The following ATAD2B variants were observed in gnomAD, a reference collection of about 807,000 sequenced individuals.
ATAD2B encodes the protein ATPase family AAA domain-containing protein 2B.
In ATAD2B, 40 loss-of-function variants were observed where a neutral mutation model predicts 167.6. The observed-to-expected ratio is 0.24, with a 90% confidence interval of 0.19 to 0.31. The LOEUF is 0.31. Ranked by LOEUF, ATAD2B falls within the 10% of genes least tolerant of loss-of-function variation. ATAD2B has a pLI of 1.00. For synonymous variants in ATAD2B, 579 were observed against 596.5 expected (o/e 0.97, Z 0.43); for missense variants, 1,242 against 1,757.2 (o/e 0.71, Z 5.24).
intron 22 of ATAD2B, among the ~76,000 whole-genome samples, chr2:23,780,267 TTG>T (rs67788174): frequency 0.086 from 12,374 of 143,902 alleles, 509 homozygotes; most frequent in South Asian, 0.097. Flanking sequence ...AAGTATATAC[TTG>T]TGTGTGTGTG....
intron 1 of ATAD2B, among the ~76,000 whole-genome samples, chr2:23,908,195 G>A (rs1320505861): frequency 6.6e-6 from 1 of 152,002 alleles, no homozygotes; most frequent in Non-Finnish European, 1.5e-5. Flanking sequence ...CCATCAGAGT[G>A]AACAGGCAAC....
At chr2:23,818,513 TA>T in intron 17 of ATAD2B, among the ~76,000 whole-genome samples, 1 of 152,128 alleles carries the variant, frequency 6.6e-6, no homozygotes, top group Non-Finnish European at 1.5e-5. Flanking sequence ...AAGAGTTTGC[TA>T]TTAAAGAACA....
intron 22 of ATAD2B, among the ~76,000 whole-genome samples, chr2:23,782,157 C>A (rs1680167141): frequency 6.6e-6 from 1 of 152,158 alleles, no homozygotes; most frequent in Non-Finnish European, 1.5e-5. Flanking sequence ...ATTAGCCTTG[C>A]TCCATTTTCT....
rs554509217 is a variant in ATAD2B at position 23,853,772 on chromosome 2, T to C, written c.1568+3643A>G. On this transcript the variant is annotated intron_variant, in intron 13 of 27. Coordinates refer to ENST00000238789, the MANE Select transcript of ATAD2B (RefSeq NM_017552.4). ...TGAAAAAGAACAAATTTGGAGGACT[T>C]ATACTAAAATGAACATTAATCAAGA... 4.6e-5 allele frequency among the ~76,000 whole-genome samples: 7 copies of C among 152,362 alleles called. No individual in the cohort carries two copies. The South Asian group carries it at 1.0e-3, about 23-fold the overall frequency.
the ATAD2B span, among the ~76,000 whole-genome samples, chr2:23,688,403 C>G: frequency 6.6e-6 from 1 of 152,188 alleles, no homozygotes; most frequent in East Asian, 1.9e-4. Context: ...TTCCAACTTG[C>G]AAAATGAAAA....
chr2:23,824,326 T>A (rs1687917888), intron 15 of ATAD2B, among the ~76,000 whole-genome samples: 1 of 152,196 alleles, frequency 6.6e-6, no homozygotes, highest in East Asian at 1.9e-4. Context: ...CAGTCCTTCA[T>A]CAATATTCCT....
the ATAD2B span, among the ~76,000 whole-genome samples, chr2:23,723,572 GA>G: frequency 6.6e-6 from 1 of 151,916 alleles, no homozygotes; most frequent in Non-Finnish European, 1.5e-5. Context: ...ACAAATATAT[GA>G]AAAAATGCTC....
intron 18 of ATAD2B, among the ~76,000 whole-genome samples, chr2:23,807,735 G>T (rs1315126388): frequency 6.7e-6 from 1 of 149,848 alleles, no homozygotes; most frequent in Non-Finnish European, 1.5e-5. Flanking sequence ...AGAATCGCTT[G>T]AACCCAGGAG....
At chr2:23,744,354 AACT>A (rs1409552966), downstream of ATAD2B, among the ~76,000 whole-genome samples, 1 of 151,884 alleles carries the variant, frequency 6.6e-6, no homozygotes, top group Non-Finnish European at 1.5e-5. Context: ...AGCCTTCTAG[AACT>A]ACTTCATTCT....
rs913785722 is a variant in ATAD2B at position 23,751,807 on chromosome 2, T to A, written c.*239A>T. On this transcript the variant is annotated 3_prime_UTR_variant, in exon 28 of 28. Coordinates refer to ENST00000238789, the MANE Select transcript of ATAD2B (RefSeq NM_017552.4). The stretch of plus-strand genomic sequence containing the variant: ...GCACCAAAATCTCCAAGCTGTGGGG[T>A]TGTATTTTTTATTTGTGGAAAATAC... 11 of 469,264 alleles carry A rather than the reference T, an allele frequency of 2.3e-5. No individual in the cohort carries two copies. The highest frequency in any genetic ancestry group is 4.1e-5 in the Admixed American group (1 of 24,402). The allele number at this position is 469,264 out of a possible 1,614,324, so 29.1% of individuals were successfully genotyped here.
At chr2:23,711,040 G>A in the ATAD2B span, among the ~76,000 whole-genome samples, 1 of 152,118 alleles carries the variant, frequency 6.6e-6, no homozygotes, top group South Asian at 2.1e-4. Flanking sequence ...AAGACATGCT[G>A]CCATTTGGAA....
At chr2:23,872,389 T>C in intron 8 of ATAD2B, 1 of 688,842 alleles carries the variant, frequency 1.5e-6, no homozygotes, top group East Asian at 3.0e-5. Flanking sequence ...CAGGTTCAGC[T>C]CCATGACAGC....
At chr2:23,914,610 C>A (rs1425102947) in intron 1 of ATAD2B, among the ~76,000 whole-genome samples, 1 of 152,046 alleles carries the variant, frequency 6.6e-6, no homozygotes, top group African/African-American at 2.4e-5. Flanking sequence ...TAGGCCGAGG[C>A]AGGCAGATCA....
intron 9 of ATAD2B, among the ~76,000 whole-genome samples, chr2:23,868,766 T>C (rs1695512211): frequency 6.6e-6 from 1 of 152,214 alleles, no homozygotes; most frequent in Non-Finnish European, 1.5e-5. Flanking sequence ...TTATTTAATA[T>C]ACTACATTAT....
intron 1 of ATAD2B, among the ~76,000 whole-genome samples, chr2:23,902,667 G>A (rs1023052241): frequency 2.0e-5 from 3 of 152,130 alleles, no homozygotes; most frequent in Admixed American, 6.5e-5. Context: ...TCCATGAGTA[G>A]GAAAAGTACC....
the ATAD2B span, among the ~76,000 whole-genome samples, chr2:23,705,091 T>G: frequency 1.3e-5 from 2 of 152,238 alleles, no homozygotes; most frequent in African/African-American, 4.8e-5. Context: ...TGTACCCTAA[T>G]GGTGGCAGTG....
downstream of ATAD2B, among the ~76,000 whole-genome samples, chr2:23,748,474 T>C (rs1675035556): frequency 6.6e-6 from 1 of 152,178 alleles, no homozygotes; most frequent in Non-Finnish European, 1.5e-5. Context: ...AAAACCACGC[T>C]TTCTCAACAT....
chr2:23,800,739 T>C (rs1255551755), intron 18 of ATAD2B, among the ~76,000 whole-genome samples: 3 of 151,606 alleles, frequency 2.0e-5, no homozygotes, highest in Non-Finnish European at 2.9e-5. Flanking sequence ...AAATTGAACA[T>C]GATATCCTAG....
chr2:23,847,726 C>G (rs1384836651), intron 13 of ATAD2B, among the ~76,000 whole-genome samples: 1 of 151,622 alleles, frequency 6.6e-6, no homozygotes, highest in South Asian at 2.1e-4. Context: ...GTAGCTCATG[C>G]CTGTAATCCC....
Sources: gnomAD v4.1 joint callset for allele counts (sites outside exome capture counted in the v4.1 genomes callset) on GRCh38, gnomAD v4.1.1 for gene constraint, MANE v1.5 for transcripts, NCBI Gene and HGNC (gene_info 2026-07-23, HGNC 2026-07-21) for gene names.